Variants in ANKFN1 observed in about 807,000 individuals in gnomAD.
The protein encoded by ANKFN1 is ankyrin repeat and fibronectin type III domain containing 1, also known as ankyrin repeat and fibronectin type-III domain-containing protein 1.
ANKFN1 carries 74 observed loss-of-function variants against 108.7 expected under a neutral mutation model. The observed-to-expected ratio is 0.68, with a 90% CI of 0.56 to 0.83. ANKFN1 has a LOEUF of 0.83. ANKFN1 is among the 40% of genes least tolerant of loss of function. The pLI is 0.00. For missense variants in ANKFN1, 1,505 were observed against 1,382.3 expected, an observed-to-expected ratio of 1.09 and a Z score of -1.41; for synonymous variants, 547 against 516.2, an observed-to-expected ratio of 1.06 and a Z score of -0.81.
At chr17:56,153,465 C>G (rs200646889), upstream of ANKFN1, 4 of 1,612,578 alleles carry the variant, frequency 2.5e-6, no homozygotes, top group Non-Finnish European at 3.4e-6. Flanking sequence ...TTCCCTCCAC[C>G]CCCCAGGTCC....
intron 3 of ANKFN1, among the ~76,000 whole-genome samples, chr17:56,314,795 C>T (rs2045150792): frequency 6.6e-6 from 1 of 152,144 alleles, no homozygotes; most frequent in Admixed American, 6.6e-5. Flanking sequence ...TTTACAGCAT[C>T]CTGAACCTCA....
Position 56,512,007 on chromosome 17 carries a change from C to T in ANKFN1, c.*738C>T, listed in dbSNP as rs1460911893. 6.6e-6 allele frequency among the ~76,000 whole-genome samples: 1 copy of T among 152,168 alleles called. No homozygotes were observed. Among genetic ancestry groups the T allele is most frequent in the Non-Finnish European group, 1.5e-5 (1 of 68,042 alleles). ...CAGAAAGTAGCCCTTCCTGTATACT[C>T]AGCTCCCATCCAAGCATGAAAATGA... is the stretch of plus-strand genomic sequence containing the variant. On this transcript the variant is annotated 3_prime_UTR_variant, in exon 21 of 21. Coordinates refer to ENST00000682825, the MANE Select transcript of ANKFN1 (RefSeq NM_001370326.1).
intron 4 of ANKFN1, among the ~76,000 whole-genome samples, chr17:56,123,983 G>T (rs923736035): frequency 1.3e-5 from 2 of 152,068 alleles, no homozygotes; most frequent in African/African-American, 2.4e-5. Context: ...ATTTGGGCTG[G>T]CAATTAGTCA....
At chr17:56,430,926 A>T (rs1043029028) in intron 8 of ANKFN1, among the ~76,000 whole-genome samples, 2 of 152,228 alleles carry the variant, frequency 1.3e-5, no homozygotes, top group African/African-American at 4.8e-5. Context: ...TAGAACTGAC[A>T]TTTACATTGA....
In ANKFN1 at chr17:56,511,752, T is replaced by A. The variant is rs1022209105; in HGVS notation, c.*483T>A. Reference sequence around the variant, plus strand: ...TGAGGGAAAGACACCAGGTTGTGTCTCTAGGGCACGGGGTCAGGTGGGCTT... The same window carrying A: ...TGAGGGAAAGACACCAGGTTGTGTCACTAGGGCACGGGGTCAGGTGGGCTT... On this transcript the variant is annotated 3_prime_UTR_variant, in exon 21 of 21. Transcript: ENST00000682825. The A allele has an allele frequency of 1.9e-5, 3 of 154,304 alleles. No homozygotes were observed. The highest frequency in any genetic ancestry group is 7.2e-5 in the African/African-American group (3 of 41,468). 9.6% of individuals were successfully genotyped at this position (154,304 alleles called of 1,614,324 possible).
intron 3 of ANKFN1, among the ~76,000 whole-genome samples, chr17:56,248,423 A>C (rs2043164815): frequency 6.6e-6 from 1 of 152,174 alleles, no homozygotes; most frequent in African/African-American, 2.4e-5. Context: ...ACAATCTCAT[A>C]GTTTCCATTT....
chr17:56,368,276 C>CTTTTATTTTTTTTTTTTT (rs2046713878), intron 6 of ANKFN1: 1 of 65,416 alleles, frequency 1.5e-5, no homozygotes, highest in African/African-American at 4.5e-5. Flanking sequence ...TGAAAATGAA[C>CTTTTATTTTTTTTTTTTT]TTTTTTTTTT....
chr17:56,061,960 C>G (rs1181812713), intron 4 of ANKFN1, among the ~76,000 whole-genome samples: 1 of 152,124 alleles, frequency 6.6e-6, no homozygotes, highest in African/African-American at 2.4e-5. Context: ...CAAAGAGCTT[C>G]TTGATTTCTG....
chr17:56,182,028 T>C (rs1023813917), intron 1 of ANKFN1, among the ~76,000 whole-genome samples: 4 of 152,230 alleles, frequency 2.6e-5, no homozygotes, highest in African/African-American at 9.6e-5. Flanking sequence ...AGTGCTCCCA[T>C]ATGTGATAGC....
intron 3 of ANKFN1, among the ~76,000 whole-genome samples, chr17:56,287,492 C>A (rs916099746): frequency 6.6e-6 from 1 of 152,114 alleles, no homozygotes; most frequent in African/African-American, 2.4e-5. Context: ...CACCTTTGAC[C>A]CCCAAACAGC....
intron 1 of ANKFN1, among the ~76,000 whole-genome samples, chr17:56,195,026 C>T (rs1477620239): frequency 1.3e-5 from 2 of 152,152 alleles, no homozygotes; most frequent in Non-Finnish European, 2.9e-5. Flanking sequence ...GGAGAAGAAA[C>T]AGAAGACACC....
At chr17:56,208,331 G>A (rs1914697628) in intron 1 of ANKFN1, among the ~76,000 whole-genome samples, 1 of 152,140 alleles carries the variant, frequency 6.6e-6, no homozygotes, top group South Asian at 2.1e-4. Flanking sequence ...GTTAGACAAG[G>A]TTTCTCAATC....
At chr17:56,408,924 G>GT (rs2048002033) in intron 8 of ANKFN1, among the ~76,000 whole-genome samples, 1 of 147,632 alleles carries the variant, frequency 6.8e-6, no homozygotes, top group South Asian at 2.1e-4. Flanking sequence ...ATGCTTTTAA[G>GT]ATTTTTTTTT....
At chr17:56,288,734 G>A (rs1160875775) in intron 3 of ANKFN1, among the ~76,000 whole-genome samples, 1 of 152,142 alleles carries the variant, frequency 6.6e-6, no homozygotes, top group South Asian at 2.1e-4. Context: ...AGCCTTTAGA[G>A]TAGTAGACTC....
At chr17:56,353,812 T>TG (rs2046307898) in intron 5 of ANKFN1, 24 bp from the exon 6 acceptor site, 1 of 1,610,246 alleles carries the variant, frequency 6.2e-7, no homozygotes, top group East Asian at 2.2e-5. Context: ...GAAATTGTGC[T>TG]GATCTACTTT....
chr17:56,046,884 A>G (rs1410082600), intron 4 of ANKFN1, among the ~76,000 whole-genome samples: 3 of 152,214 alleles, frequency 2.0e-5, no homozygotes, highest in East Asian at 3.8e-4. Context: ...GAAAAGCATG[A>G]GTTGCATTTT....
At chr17:56,357,142 C>A (rs1432868708) in intron 6 of ANKFN1, among the ~76,000 whole-genome samples, 3 of 152,126 alleles carry the variant, frequency 2.0e-5, no homozygotes, top group Non-Finnish European at 4.4e-5. Context: ...CAGGTTTCAG[C>A]CTCCAGGAAA....
At chr17:56,177,825 G>A (rs1911314662) in intron 1 of ANKFN1, among the ~76,000 whole-genome samples, 2 of 150,950 alleles carry the variant, frequency 1.3e-5, no homozygotes, top group South Asian at 4.2e-4. Flanking sequence ...GTTTTGTTTT[G>A]TTTTGTTTGT....
At chr17:56,485,113 G>C (rs1232630633) in intron 18 of ANKFN1, among the ~76,000 whole-genome samples, 1 of 152,124 alleles carries the variant, frequency 6.6e-6, no homozygotes, top group Non-Finnish European at 1.5e-5. Flanking sequence ...TATTCATTGA[G>C]TAACCTACTA....
Sources: gnomAD v4.1 joint callset for allele counts (sites outside exome capture counted in the v4.1 genomes callset) on GRCh38, gnomAD v4.1.1 for gene constraint, MANE v1.5 for transcripts, NCBI Gene and HGNC (gene_info 2026-07-23, HGNC 2026-07-21) for gene names.